The following SMG6 variants were observed in gnomAD, a reference collection of about 807,000 sequenced individuals.
The protein encoded by SMG6 is telomerase-binding protein EST1A.
Under a neutral mutation model 142.2 loss-of-function variants are expected in SMG6, and 66 were observed. That is an observed-to-expected ratio of 0.46 (90% CI 0.38 to 0.57). SMG6 has a LOEUF of 0.57. Ranked by LOEUF, SMG6 falls within the 20% of genes least tolerant of loss-of-function variation. SMG6 has a pLI of 0.00. For missense variants in SMG6, 1,793 were observed against 1,832.0 expected, an observed-to-expected ratio of 0.98 and a Z score of 0.39; for synonymous variants, 779 against 702.4, an observed-to-expected ratio of 1.11 and a Z score of -1.72.
In SMG6 at chr17:2,291,005, T is replaced by TA. The variant is rs1265306684; in HGVS notation, c.2337+1546dup. ...TGAGGGGAGGCAGGGATGGAAAGCG[T>TA]AAGTATCAGGTCTCCTTTGGGGTGA... On this transcript the variant is annotated intron_variant, in intron 6 of 18. Coordinates refer to ENST00000263073, the MANE Select transcript of SMG6 (RefSeq NM_017575.5). Among the ~76,000 whole-genome samples the TA allele has an allele frequency of 5.9e-5, 9 of 152,044 alleles. No homozygotes were observed. The East Asian group carries it at 1.5e-3, about 26-fold the overall frequency.
At chr17:2,218,645 C>T (rs1298906553) in intron 10 of SMG6, among the ~76,000 whole-genome samples, 1 of 152,220 alleles carries the variant, frequency 6.6e-6, no homozygotes, top group Non-Finnish European at 1.5e-5. Flanking sequence ...ACCTTCCAAG[C>T]TTGAGCTACT....
In SMG6 at chr17:2,060,099, G is replaced by A. The variant is rs1597306652; in HGVS notation, c.*1393C>T. The A allele has an allele frequency of 1.3e-5, 2 of 152,918 alleles. No individual in the cohort carries two copies. Among genetic ancestry groups the A allele is most frequent in the Admixed American group, 6.5e-5 (1 of 15,300 alleles). 9.5% of individuals were successfully genotyped at this position (152,918 alleles called of 1,614,324 possible). A position where few individuals can be genotyped will look rare whatever the true frequency, so the allele number is the denominator to read the frequency against. On this transcript the variant is annotated 3_prime_UTR_variant, in exon 19 of 19. Transcript: ENST00000263073. ...GCTTCTGGCATAGTCCTGGGCCTCA[G>A]GGAGGGCAGAGCTGCGCACCCATCC...
chr17:2,282,341 C>G (rs1183377055), intron 8 of SMG6, among the ~76,000 whole-genome samples: 1 of 143,468 alleles, frequency 7.0e-6, no homozygotes, highest in African/African-American at 2.7e-5. Context: ...GTACAAAATC[C>G]CACATAGAAT....
chr17:2,291,236 C>T (rs2075027480), intron 6 of SMG6, among the ~76,000 whole-genome samples: 1 of 151,818 alleles, frequency 6.6e-6, no homozygotes, highest in South Asian at 2.1e-4. Context: ...GAGGCTGAGG[C>T]AGGAGAATGG....
At chr17:2,080,358 G>C (rs907294471) in intron 15 of SMG6, among the ~76,000 whole-genome samples, 9 of 150,882 alleles carry the variant, frequency 6.0e-5, no homozygotes, top group Non-Finnish European at 1.3e-4. Flanking sequence ...GTGGAGGTTG[G>C]AGTGAGCTGA....
At chr17:2,091,924 C>T (rs4790876) in intron 13 of SMG6, among the ~76,000 whole-genome samples, 96,080 of 150,702 alleles carry the variant, frequency 0.64, 31,220 homozygotes, top group African/African-American at 0.74. Flanking sequence ...CCTCGTGATC[C>T]GCCCGCCTTG....
chr17:2,213,106 A>G (rs1232897589), intron 10 of SMG6, among the ~76,000 whole-genome samples: 1 of 152,192 alleles, frequency 6.6e-6, no homozygotes, highest in African/African-American at 2.4e-5. Context: ...CCCTGGGCAA[A>G]CCAGGACTTA....
chr17:2,127,846 T>C, intron 13 of SMG6: 1 of 553,208 alleles, frequency 1.8e-6, no homozygotes, highest in Non-Finnish European at 3.6e-6. Context: ...AGACATTATT[T>C]GCTGAAGAGC....
At chr17:2,140,802 G>C (rs976935800) in intron 13 of SMG6, among the ~76,000 whole-genome samples, 1 of 151,852 alleles carries the variant, frequency 6.6e-6, no homozygotes, top group African/African-American at 2.4e-5. Context: ...TGAAATCCAT[G>C]CATGTCAGAC....
At chr17:2,160,795 C>A (rs559991835) in intron 13 of SMG6, among the ~76,000 whole-genome samples, 7 of 151,790 alleles carry the variant, frequency 4.6e-5, no homozygotes, top group African/African-American at 1.7e-4. Context: ...TGTATCACTG[C>A]CCTCCACCCT....
intron 13 of SMG6, among the ~76,000 whole-genome samples, chr17:2,130,730 C>T (rs759683774): frequency 6.6e-6 from 1 of 150,538 alleles, no homozygotes; most frequent in Admixed American, 6.6e-5. Context: ...ATATTTTAAC[C>T]TAACAATCAA....
At chr17:2,175,817 C>A (rs1326590950) in intron 12 of SMG6, among the ~76,000 whole-genome samples, 1 of 152,202 alleles carries the variant, frequency 6.6e-6, no homozygotes, top group African/African-American at 2.4e-5. Context: ...AATGAGAGGT[C>A]ACTTCTGCTC....
At chr17:2,218,155 TAGA>T (rs1404166107) in intron 10 of SMG6, among the ~76,000 whole-genome samples, 2 of 152,160 alleles carry the variant, frequency 1.3e-5, no homozygotes, top group Non-Finnish European at 2.9e-5. Flanking sequence ...TTCAGCTCAA[TAGA>T]AGGTTTAATC....
chr17:2,116,761 C>A (rs1224346362), intron 13 of SMG6, among the ~76,000 whole-genome samples: 1 of 151,828 alleles, frequency 6.6e-6, no homozygotes, highest in Admixed American at 6.6e-5. Flanking sequence ...AAAATAAAAA[C>A]CCTGAAAAGA....
chr17:2,237,388 G>T, intron 9 of SMG6: 1 of 473,050 alleles, frequency 2.1e-6, no homozygotes, highest in Non-Finnish European at 2.8e-6. Flanking sequence ...TTACCCAAGC[G>T]TTTACTTTAG....
At position 2,292,938 on chromosome 17, in the gene SMG6, A is replaced by G. The variant is rs774632323; in HGVS notation, c.2191T>C (p.Cys731Arg). ...CGGTACCTAGCAATATCTCCTTGGC[A>G]TATCATGCATCGCTGGGCACTGATC... ...ALISAQRCMICQGDIARYREQ... is the reference protein window; with the variant it reads ...ALISAQRCMIRQGDIARYREQ... The change falls in exon 5 of 19, where the codon TGC (cysteine) becomes CGC (arginine). Residue 731 changes from cysteine (C) to arginine (R), a missense_variant. By Grantham distance (180) the Cys-to-Arg change is radical. Around this residue, in one of 3 missense-constraint regions of SMG6, gnomAD observed 1,597 missense variants for 1,584.6 expected, o/e 1.01. Transcript: ENST00000263073. The G allele has an allele frequency of 3.1e-6, 5 of 1,614,058 alleles. No homozygotes were observed. The African/African-American group carries it at 4.0e-5, about 13-fold the overall frequency.
chr17:2,099,021 T>A (rs1300564287), intron 13 of SMG6, among the ~76,000 whole-genome samples: 1 of 152,180 alleles, frequency 6.6e-6, no homozygotes, highest in Non-Finnish European at 1.5e-5. Flanking sequence ...CTAAGTAAGA[T>A]TCTTGAGGGG....
chr17:2,160,096 T>C (rs2071128752), intron 13 of SMG6, among the ~76,000 whole-genome samples: 1 of 152,200 alleles, frequency 6.6e-6, no homozygotes, highest in Non-Finnish European at 1.5e-5. Context: ...ATGCAGAATA[T>C]ATAAATATTC....
At position 2,172,834 on chromosome 17, in the gene SMG6, G is replaced by A. The variant is rs1305588013; in HGVS notation, c.3181C>T (p.Leu1061=). Residue 1061 remains leucine, a synonymous_variant, in exon 13 of 19, where the codon CTG becomes TTG. Transcript: ENST00000263073. ...GTCAGTATGTTACAGAAATCAGCCA[G>A]CGTCGACCATACATCCACAGCAACA... ...SHVAVDVWST[L]ADFCNILTAV... 4.3e-6 allele frequency: 7 copies of A among 1,614,068 alleles called. No homozygotes were observed. In the African/African-American group the frequency reaches 6.7e-5, roughly 15 times the overall value.
Sources: allele counts gnomAD v4.1 joint callset (sites outside exome capture counted in the v4.1 genomes callset), GRCh38; gene constraint gnomAD v4.1.1; regional missense constraint gnomAD v4.1.1; transcripts MANE v1.5; gene names NCBI Gene and HGNC (gene_info 2026-07-23, HGNC 2026-07-21).